Variants in IL17F observed in about 807,000 individuals in gnomAD.
The protein encoded by IL17F is interleukin 17F, also known as interleukin-17F.
Under a neutral mutation model 8.3 loss-of-function variants are expected in IL17F, and 6 were observed. The ratio of observed to expected loss-of-function variants is 0.73; its 90% CI spans 0.40 to 1.43. IL17F has a LOEUF of 1.43. IL17F is among the 40% of genes most tolerant of loss of function. The pLI, the probability that IL17F is intolerant of heterozygous loss-of-function variation, is 0.02. For missense variants in IL17F, 204 were observed against 209.6 expected, an observed-to-expected ratio of 0.97 and a Z score of 0.17; for synonymous variants, 98 against 81.6, an observed-to-expected ratio of 1.20 and a Z score of -1.08.
intron 2 of IL17F, 148 bp from the exon 3 acceptor site, chr6:52,237,316 T>C (rs946056762): frequency 9.5e-6 from 6 of 630,846 alleles, no homozygotes; most frequent in African/African-American, 9.1e-5. Context: ...CCTGGAAGCA[T>C]ACACCAGCCT....
intron 1 of IL17F, among the ~76,000 whole-genome samples, chr6:52,239,949 A>T (rs1042278932): frequency 3.9e-5 from 6 of 152,186 alleles, no homozygotes; most frequent in African/African-American, 1.4e-4. Context: ...TTTTATACTT[A>T]CGTTGAAATG....
Position 52,238,855 on chromosome 6 carries a change from C to G in IL17F, c.129G>C (p.Lys43Asn), listed in dbSNP as rs1462020956. 1 of 1,613,898 alleles carries G rather than the reference C, an allele frequency of 6.2e-7. No homozygotes were observed. The highest frequency in any genetic ancestry group is 8.5e-7 in the Non-Finnish European group (1 of 1,179,918). The change falls in exon 2 of 3, where the codon AAG becomes AAC. Residue 43 changes from lysine (K) to asparagine (N), a missense_variant. Transcript: ENST00000336123. Reference protein sequence around the residue: ...IPKVGHTFFQKPESCPPVPGG... With the variant: ...IPKVGHTFFQNPESCPPVPGG... ...CTGGCACAGGCGGGCAACTCTCAGG[C>G]TTTTGGAAAAAAGTATGTCCTACTT...
chr6:52,238,168 T>G (rs1351114838), intron 2 of IL17F, among the ~76,000 whole-genome samples: 5 of 152,198 alleles, frequency 3.3e-5, no homozygotes, highest in African/African-American at 1.2e-4. Context: ...CCAGAAGCAC[T>G]TCAATTGTCC....
rs376671742 is a variant in IL17F at position 52,238,749 on chromosome 6, T to A, written c.235A>T (p.Thr79Ser). The change falls in exon 2 of 3, where the codon ACC becomes TCC. Residue 79 changes from threonine to serine, a missense_variant. Physicochemically the swap from Thr to Ser is moderately conservative, Grantham distance 58. Coordinates refer to ENST00000336123, the MANE Select transcript of IL17F (RefSeq NM_052872.4). ...ACTTACGTGTAATTCCAGGGGGAGG[T>A]GGAGCGGCTCTCGATGTTACGTGAC... ...SMSRNIESRS[T>S]SPWNYTVTWD... 5.0e-6 allele frequency: 8 copies of A among 1,613,962 alleles called. No homozygotes were observed. Among genetic ancestry groups the A allele is most frequent in the Non-Finnish European group, 6.8e-6 (8 of 1,179,968 alleles).
chr6:52,238,671 T>C (rs1764011105), intron 2 of IL17F, 59 bp downstream of exon 2: 2 of 1,354,950 alleles, frequency 1.5e-6, no homozygotes, highest in Admixed American at 3.6e-5. Flanking sequence ...TACTTTATGA[T>C]TAGAATGAAT....
Position 52,239,042 on chromosome 6 carries a change from T to G in IL17F, c.34-92A>C, listed in dbSNP as rs559771984. 8.6e-5 allele frequency: 95 copies of G among 1,107,970 alleles called. No homozygotes were observed. The African/African-American group carries it at 1.4e-3, about 16-fold the overall frequency. The allele number at this position is 1,107,970 out of a possible 1,614,324, so 68.6% of individuals were successfully genotyped here. A position where few individuals can be genotyped will look rare whatever the true frequency, so the allele number is the denominator to read the frequency against. On this transcript the variant is annotated intron_variant, in intron 1 of 2. Transcript: ENST00000336123. The stretch of plus-strand genomic sequence containing the variant: ...CTGGCGGAACTCAGCATTCCTGTCC[T>G]TTTATGGGATCAGGGCTTCTCTTTG...
rs1372951889 is a variant in IL17F, at chr6:52,238,824, T to C, written c.160A>G (p.Ser54Gly). Reference sequence around the variant, plus strand: ...ATGATGCCAATGTCAAGCTTCATACTACCTCCTGGCACAGGCGGGCAACTC... The same window carrying C: ...ATGATGCCAATGTCAAGCTTCATACCACCTCCTGGCACAGGCGGGCAACTC... ...PESCPPVPGG[S>G]MKLDIGIINE... Residue 54 changes from serine (S) to glycine (G), a missense_variant, in exon 2 of 3, where the codon AGT becomes GGT. Coordinates refer to ENST00000336123, the MANE Select transcript of IL17F (RefSeq NM_052872.4). 6.2e-7 allele frequency: 1 copy of C among 1,614,184 alleles called. No homozygotes were observed. The highest frequency in any genetic ancestry group is 8.5e-7 in the Non-Finnish European group (1 of 1,179,986).
rs2397084 is a variant in IL17F, at chr6:52,237,046, T to C, written c.377A>G (p.Glu126Gly). 131,454 of 1,614,210 alleles carry C rather than the reference T, an allele frequency of 0.081. 6,024 individuals carry two copies. The highest frequency in any genetic ancestry group is 0.096 in the Middle Eastern group (579 of 6,062). Residue 126 changes from glutamate to glycine, a missense_variant, in exon 3 of 3, where the codon GAG (glutamate) becomes GGG (glycine). Transcript: ENST00000336123. The part of the protein sequence containing the change: ...ISMNSVPIQQ[E>G]TLVVRRKHQG... ...GTGCTTCCTCCGGACGACCAGGGTCTCTTGCTGGATGGGAACGGAATTCAT... is the reference window on the plus strand; with the variant it reads ...GTGCTTCCTCCGGACGACCAGGGTCCCTTGCTGGATGGGAACGGAATTCAT...
chr6:52,236,851 G>T lies in IL17F; in HGVS notation c.*80C>A. The T allele has an allele frequency of 9.2e-7, 1 of 1,083,764 alleles. No homozygotes were observed. 67.1% of individuals were successfully genotyped at this position (1,083,764 alleles called of 1,614,324 possible). On this transcript the variant is annotated 3_prime_UTR_variant, in exon 3 of 3. Transcript: ENST00000336123. ...GTCCTGTGAAGTGGAGGGAATTGGG[G>T]GTCAGACAGGACTTGTTGCAGAGCA...
At chr6:52,239,322 A>G (rs549294598) in intron 1 of IL17F, among the ~76,000 whole-genome samples, 1 of 152,364 alleles carries the variant, frequency 6.6e-6, no homozygotes, top group East Asian at 1.9e-4. Context: ...TAATGAGATT[A>G]AATAGAATGT....
At chr6:52,242,010 C>T (rs1014414879) in intron 1 of IL17F, among the ~76,000 whole-genome samples, 2 of 152,172 alleles carry the variant, frequency 1.3e-5, no homozygotes, top group African/African-American at 4.8e-5. Context: ...CTCCAATTTG[C>T]TCCACAAAGC....
upstream of IL17F, among the ~76,000 whole-genome samples, chr6:52,244,953 A>G (rs1185547771): frequency 1.3e-5 from 2 of 152,210 alleles, no homozygotes; most frequent in Non-Finnish European, 2.9e-5. Flanking sequence ...GGGAAAACAA[A>G]ACTAAAGAAA....
intron 1 of IL17F, among the ~76,000 whole-genome samples, chr6:52,239,425 T>C (rs1196190487): frequency 6.6e-6 from 1 of 152,090 alleles, no homozygotes; most frequent in East Asian, 1.9e-4. Context: ...ATCCCATGAA[T>C]CTCCCACAAA....
At position 52,236,873 on chromosome 6, in the gene IL17F, A is replaced by G. The variant is rs1763968545; in HGVS notation, c.*58T>C. 8.1e-6 allele frequency: 11 copies of G among 1,360,648 alleles called. No individual in the cohort carries two copies. The South Asian group carries it at 1.3e-4, about 16-fold the overall frequency. The allele number at this position is 1,360,648 out of a possible 1,614,324, so 84.3% of individuals were successfully genotyped here. ...GGGGGTCAGACAGGACTTGTTGCAG[A>G]GCACTGGGTAAGGAGTGGCATTTCT... On this transcript the variant is annotated 3_prime_UTR_variant, in exon 3 of 3. Transcript: ENST00000336123.
In IL17F at chr6:52,238,861, GA is replaced by G. The variant is rs771763707; in HGVS notation, c.122del (p.Phe41SerfsTer15). On this transcript the variant is annotated frameshift_variant, in exon 2 of 3. Coordinates refer to ENST00000336123, the MANE Select transcript of IL17F (RefSeq NM_052872.4). LOFTEE classifies it high-confidence loss of function. ...CAGGCGGGCAACTCTCAGGCTTTTGGAAAAAAGTATGTCCTACTTTGGGGAT... is the reference window on the plus strand; with the variant it reads ...CAGGCGGGCAACTCTCAGGCTTTTGGAAAAAGTATGTCCTACTTTGGGGAT... The part of the protein sequence containing the change: ...RKIPKVGHTF[F>X]QKPESCPPVP... The G allele has an allele frequency of 3.1e-6, 5 of 1,613,848 alleles. No individual in the cohort carries two copies. The highest frequency in any genetic ancestry group is 1.3e-5 in the African/African-American group (1 of 74,908).
At chr6:52,240,438 G>GA (rs34052816) in intron 1 of IL17F, among the ~76,000 whole-genome samples, 35,490 of 96,114 alleles carry the variant, frequency 0.37, 6,331 homozygotes, top group East Asian at 0.52. Context: ...CTCCTGCTTG[G>GA]AAAAAAAAAA....
At chr6:52,239,346 C>T (rs1403650177) in intron 1 of IL17F, among the ~76,000 whole-genome samples, 1 of 152,170 alleles carries the variant, frequency 6.6e-6, no homozygotes, top group Non-Finnish European at 1.5e-5. Context: ...ATATAAAACA[C>T]CTATAAATCT....
At chr6:52,241,412 T>C (rs949063963) in intron 1 of IL17F, among the ~76,000 whole-genome samples, 2 of 152,082 alleles carry the variant, frequency 1.3e-5, no homozygotes, top group Admixed American at 6.5e-5. Flanking sequence ...TGCCAACTTA[T>C]ATTAGAGGGT....
At chr6:52,242,089 C>T (rs1181505846) in intron 1 of IL17F, among the ~76,000 whole-genome samples, 3 of 152,184 alleles carry the variant, frequency 2.0e-5, no homozygotes, top group African/African-American at 4.8e-5. Context: ...CAGGCTGTTG[C>T]TGGTTCTTAA....
Sources: gnomAD v4.1 joint callset for allele counts (sites outside exome capture counted in the v4.1 genomes callset) on GRCh38, gnomAD v4.1.1 for gene constraint, MANE v1.5 for transcripts, NCBI Gene and HGNC (gene_info 2026-07-23, HGNC 2026-07-21) for gene names.